HSP90AA1: variants seen among roughly 807,000 people sequenced by gnomAD.
HSP90AA1 encodes the protein heat shock protein 90 alpha family class A member 1.
HSP90AA1 carries 18 observed loss-of-function variants against 73.3 expected under a neutral mutation model. The observed-to-expected ratio is 0.25, with a 90% CI of 0.17 to 0.36. The LOEUF (loss-of-function observed/expected upper bound fraction) is 0.36, where lower values mean the gene tolerates loss of function less well. Among genes scored for constraint, HSP90AA1 ranks in the 10% least tolerant of loss-of-function variants. The probability of loss-of-function intolerance (pLI) is 1.00; values close to 1 mark genes in which losing one functional copy is unlikely to be tolerated. For missense variants in HSP90AA1, 704 were observed against 874.2 expected (o/e 0.81, Z 2.45); for synonymous variants, 477 against 296.9 (o/e 1.61, Z -6.24).
rs1332470454 is a variant in HSP90AA1, at chr14:102,085,888, C to T, written c.399G>A (p.Gln133=). The T allele has an allele frequency of 1.9e-6, 3 of 1,613,966 alleles. No homozygotes were observed. The highest frequency in any genetic ancestry group is 1.7e-5 in the Admixed American group (1 of 60,018). The part of the protein sequence containing the change: ...QAGADISMIG[Q]FGVGFYSAYL... ...AAGCAGAATAAAAACCAACACCGAA[C>T]TGGCCAATCATAGAGATATCTGCAC... The change falls in exon 3 of 11, where the codon CAG becomes CAA. Residue 133 remains glutamine (Q), a synonymous_variant. Coordinates refer to ENST00000216281, the MANE Select transcript of HSP90AA1 (RefSeq NM_005348.4).
chr14:102,104,000 C>T (rs2049530758), intron 1 of HSP90AA1, among the ~76,000 whole-genome samples: 1 of 149,786 alleles, frequency 6.7e-6, no homozygotes, highest in African/African-American at 2.5e-5. Flanking sequence ...GAGACTGCAC[C>T]ACTGCACCCT....
chr14:102,096,836 T>G (rs116715937), intron 2 of HSP90AA1, among the ~76,000 whole-genome samples: 1 of 152,334 alleles, frequency 6.6e-6, no homozygotes. Context: ...AATTTCATTT[T>G]TTCGTTATTC....
upstream of HSP90AA1, among the ~76,000 whole-genome samples, chr14:102,089,093 G>A (rs2152615485): frequency 6.6e-6 from 1 of 152,046 alleles, no homozygotes; most frequent in East Asian, 1.9e-4. Flanking sequence ...GCTAATTTTT[G>A]TATTTTTAGT....
intron 6 of HSP90AA1, 179 bp from the exon 7 acceptor site, chr14:102,084,162 C>CGG (rs35503105): frequency 5.8e-6 from 4 of 694,950 alleles, no homozygotes; most frequent in Admixed American, 4.7e-5. Flanking sequence ...CTCTGCCTCC[C>CGG]GGGGGGGTTC....
In HSP90AA1 at chr14:102,085,891, G is replaced by T. The variant is rs780348724; in HGVS notation, c.396C>A (p.Gly132=). Residue 132 remains glycine (G), a synonymous_variant, in exon 3 of 11, where the codon GGC becomes GGA. Transcript: ENST00000216281. Reference sequence around the variant, plus strand: ...CAGAATAAAAACCAACACCGAACTGGCCAATCATAGAGATATCTGCACCAG... The same window carrying T: ...CAGAATAAAAACCAACACCGAACTGTCCAATCATAGAGATATCTGCACCAG... ...LQAGADISMI[G]QFGVGFYSAY... 6.2e-7 allele frequency: 1 copy of T among 1,613,906 alleles called. No individual in the cohort carries two copies. The highest frequency in any genetic ancestry group is 8.5e-7 in the Non-Finnish European group (1 of 1,179,854).
intron 2 of HSP90AA1, among the ~76,000 whole-genome samples, chr14:102,093,187 A>G (rs2049380691): frequency 6.6e-6 from 1 of 150,924 alleles, no homozygotes; most frequent in Non-Finnish European, 1.5e-5. Flanking sequence ...GTGTGGGAAA[A>G]GTAAATTAAA....
At chr14:102,130,328 A>G (rs972782795) in intron 1 of HSP90AA1, among the ~76,000 whole-genome samples, 4 of 152,156 alleles carry the variant, frequency 2.6e-5, no homozygotes, top group African/African-American at 7.2e-5. Context: ...GCTGGGTCCT[A>G]TGGTAACTGT....
Position 102,083,625 on chromosome 14 carries a change from G to A in HSP90AA1, c.1407C>T (p.Ala469=), listed in dbSNP as rs878940791. The A allele has an allele frequency of 1.2e-5, 20 of 1,612,492 alleles. No individual in the cohort carries two copies. The highest frequency in any genetic ancestry group is 4.4e-5 in the South Asian group (4 of 91,054). The change falls in exon 8 of 11, where the codon GCC becomes GCT. Residue 469 remains alanine (A), a synonymous_variant. Transcript: ENST00000216281. ...LSELLRYYTS[A]SGDEMVSLKD... is the part of the protein sequence containing the mutation. ...TGAGAGAAACCATCTCATCACCAGA[G>A]GCAGATGTGTAGTACCTTAACAGCT...
chr14:102,125,751 C>T (rs1297904908), intron 1 of HSP90AA1, among the ~76,000 whole-genome samples: 1 of 152,112 alleles, frequency 6.6e-6, no homozygotes, highest in Non-Finnish European at 1.5e-5. Context: ...TGAGATGAGA[C>T]AGCAATGTAA....
chr14:102,102,037 C>G lies in HSP90AA1; in HGVS notation c.204G>C (p.Trp68Cys), dbSNP rs745977163. 1.9e-6 allele frequency: 3 copies of G among 1,614,040 alleles called. No individual in the cohort carries two copies. In the South Asian group the frequency reaches 3.3e-5, roughly 18 times the overall value. Reference sequence around the variant, plus strand: ...TGGTGGATCCAGACACCATCAGATGCCAGAGAAACACTTGGGCCTTTTCTT... The same window carrying G: ...TGGTGGATCCAGACACCATCAGATGGCAGAGAAACACTTGGGCCTTTTCTT... The change falls in exon 2 of 12, where the codon TGG (tryptophan) becomes TGC (cysteine). Residue 68 changes from tryptophan to cysteine, a missense_variant. Physicochemically the swap from Trp to Cys is radical, Grantham distance 215. Coordinates refer to the HSP90AA1 transcript ENST00000334701.
upstream of HSP90AA1, among the ~76,000 whole-genome samples, chr14:102,089,539 C>T (rs936381037): frequency 2.6e-5 from 4 of 152,216 alleles, no homozygotes; most frequent in Non-Finnish European, 5.9e-5. Context: ...AGACTCATGC[C>T]CCTCTCCCTG....
At position 102,124,190 on chromosome 14, in the gene HSP90AA1, A is replaced by ATTTTT. The variant is rs35232557; in HGVS notation, c.155+15055_155+15059dup. Among the ~76,000 whole-genome samples the ATTTTT allele has an allele frequency of 6.2e-5, 8 of 128,136 alleles. 1 individual carries two copies. The highest frequency in any genetic ancestry group is 9.5e-5 in the Non-Finnish European group (6 of 63,490). 84.1% of individuals were successfully genotyped at this position (128,136 alleles called of 152,430 possible). Reference sequence around the variant, plus strand: ...GACAGTTATTGATGTTTGAATGCTAATTTTTTTTTTTTTTTTTTTGAGATG... The same window carrying ATTTTT: ...GACAGTTATTGATGTTTGAATGCTAATTTTTTTTTTTTTTTTTTTTTTTTGAGATG... On this transcript the variant is annotated intron_variant, in intron 1 of 11. Coordinates refer to the HSP90AA1 transcript ENST00000334701.
intron 3 of HSP90AA1, 66 bp downstream of exon 3, chr14:102,085,692 G>C (rs538557231): frequency 1.2e-6 from 2 of 1,604,478 alleles, no homozygotes; most frequent in African/African-American, 1.3e-5. Context: ...CATCCCCAGG[G>C]GTCCAAGGGT....
upstream of HSP90AA1, chr14:102,139,696 G>A (rs928553976): frequency 1.2e-5 from 8 of 684,560 alleles, no homozygotes; most frequent in East Asian, 1.4e-4. Flanking sequence ...CGGGGGAGGA[G>A]CCTGCGGACG....
chr14:102,088,002 C>T (rs994114010), upstream of HSP90AA1, among the ~76,000 whole-genome samples: 1 of 141,438 alleles, frequency 7.1e-6, no homozygotes, highest in East Asian at 2.1e-4. Flanking sequence ...GCTGGGGTGC[C>T]GCGGCGGAAT....
At position 102,086,068 on chromosome 14, in the gene HSP90AA1, C is replaced by T. The variant is rs11547540; in HGVS notation, c.219G>A (p.Gly73=). The T allele has an allele frequency of 1.9e-6, 3 of 1,613,914 alleles. No homozygotes were observed. In the South Asian group the frequency reaches 3.3e-5, roughly 18 times the overall value. The change falls in exon 3 of 11, where the codon GGG becomes GGA. Residue 73 remains glycine (G), a synonymous_variant. Coordinates refer to ENST00000216281, the MANE Select transcript of HSP90AA1 (RefSeq NM_005348.4). ...SLTDPSKLDS[G]KELHINLIPN... ...GTATAAGGTTAATATGCAGCTCTTT[C>T]CCAGAGTCTAATTTACTGGGATCTG...
At chr14:102,098,781 C>T (rs568367224) in intron 2 of HSP90AA1, among the ~76,000 whole-genome samples, 10 of 152,078 alleles carry the variant, frequency 6.6e-5, no homozygotes, top group Non-Finnish European at 1.3e-4. Context: ...CTGTAACCTC[C>T]GCCTCCGGGG....
chr14:102,135,162 C>A (rs911114190), intron 1 of HSP90AA1, among the ~76,000 whole-genome samples: 2 of 148,976 alleles, frequency 1.3e-5, no homozygotes, highest in African/African-American at 5.0e-5. Flanking sequence ...TATTTACAAT[C>A]CCTGAGCTAG....
At chr14:102,084,645 C>G in intron 5 of HSP90AA1, 36 bp downstream of exon 5, 3 of 1,614,038 alleles carry the variant, frequency 1.9e-6, no homozygotes, top group Non-Finnish European at 2.5e-6. Context: ...AGATGATAAT[C>G]TAAGGACAAG....
Sources: allele counts gnomAD v4.1 joint callset (sites outside exome capture counted in the v4.1 genomes callset), GRCh38; gene constraint gnomAD v4.1.1; transcripts MANE v1.5; gene names NCBI Gene and HGNC (gene_info 2026-07-23, HGNC 2026-07-21).